SEC16A: variants seen among roughly 807,000 people sequenced by gnomAD.
SEC16A encodes the protein SEC16 homolog A, endoplasmic reticulum export factor, also known as protein transport protein Sec16A.
A neutral mutation model predicts 221.9 loss-of-function variants in SEC16A; 110 were observed. The observed-to-expected ratio is 0.50, with a 90% CI of 0.42 to 0.58. The LOEUF is 0.58. Among genes scored for constraint, SEC16A ranks in the 20% least tolerant of loss-of-function variants. The probability of loss-of-function intolerance (pLI) is 0.00; values close to 1 mark genes in which losing one functional copy is unlikely to be tolerated. For missense variants in SEC16A, 3,165 were observed against 3,097.8 expected (o/e 1.02, Z -0.52); for synonymous variants, 1,393 against 1,257.7 (o/e 1.11, Z -2.28).
Position 136,474,565 on chromosome 9 carries a change from G to A in SEC16A, c.3051C>T (p.Leu1017=), listed in dbSNP as rs530481447. 2.5e-5 allele frequency: 40 copies of A among 1,612,756 alleles called. No individual in the cohort carries two copies. Among genetic ancestry groups the A allele is most frequent in the Middle Eastern group, 3.3e-4 (2 of 6,084 alleles). Residue 1017 remains leucine, a synonymous_variant, in exon 3 of 32, where the codon CTC becomes CTT. Coordinates refer to ENST00000684901, the MANE Select transcript of SEC16A (RefSeq NM_014866.2). The part of the protein sequence containing the change: ...NVYNPSHSDS[L]ASQQSVASHP... ...GACTGGCAACACTTTGCTGAGAAGC[G>A]AGGCTGTCAGAATGGGACGGGTTGT...
At chr9:136,467,348 ATTTCT>A (rs546812296) in intron 5 of SEC16A, among the ~76,000 whole-genome samples, 3 of 152,304 alleles carry the variant, frequency 2.0e-5, no homozygotes, top group Admixed American at 2.0e-4. Flanking sequence ...GTGCTAAAAG[ATTTCT>A]TTATTAAGTC....
At chr9:136,471,863 C>T (rs2132723292) in intron 4 of SEC16A, 112 bp downstream of exon 4, 1 of 1,279,284 alleles carries the variant, frequency 7.8e-7, no homozygotes, top group Non-Finnish European at 1.1e-6. Flanking sequence ...TAAGTTTGTA[C>T]AATTCTTCAG....
At position 136,474,581 on chromosome 9, in the gene SEC16A, G is replaced by T. The variant is rs770919206; in HGVS notation, c.3035C>A (p.Ser1012Tyr). 1 of 1,612,820 alleles carries T rather than the reference G, an allele frequency of 6.2e-7. No individual in the cohort carries two copies. Among genetic ancestry groups the T allele is most frequent in the African/African-American group, 1.3e-5 (1 of 74,948 alleles). The change falls in exon 3 of 32, where the codon TCC becomes TAC. Residue 1012 changes from serine to tyrosine, a missense_variant. By Grantham distance (144) the Ser-to-Tyr change is moderately radical. Coordinates refer to ENST00000684901, the MANE Select transcript of SEC16A (RefSeq NM_014866.2). ...LENPVNVYNP[S>Y]HSDSLASQQS... ...CTGAGAAGCGAGGCTGTCAGAATGG[G>T]ACGGGTTGTACACGTTTACAGGATT...
rs370444806 is a variant in SEC16A at position 136,476,576 on chromosome 9, G to A, written c.1040C>T (p.Thr347Met). 2.0e-5 allele frequency: 32 copies of A among 1,607,358 alleles called. No homozygotes were observed. In the African/African-American group the frequency reaches 2.0e-4, roughly 10 times the overall value. Residue 347 changes from threonine to methionine, a missense_variant, in exon 3 of 32, where the codon ACG becomes ATG. By Grantham distance (81) the Thr-to-Met change is moderately conservative. This residue lies in a region of SEC16A where 2,030 missense variants were observed against 1,923.1 expected (regional missense o/e 1.06). Coordinates refer to ENST00000684901, the MANE Select transcript of SEC16A (RefSeq NM_014866.2). The stretch of plus-strand genomic sequence containing the variant: ...GGCCCCAGCCCCCAGTGGGTGGTGC[G>A]TACGGTTTTCTGGGCTATCTCCCCG... ...LARGDSPENR[T>M]HHPLGAGAGS...
At position 136,447,015 on chromosome 9, in the gene SEC16A, A is replaced by C. The variant is rs779390289; in HGVS notation, c.6698-66T>G. On this transcript the variant is annotated intron_variant, in intron 27 of 31. Transcript: ENST00000684901. This position sits in a 1 kb window ranked among gnomAD's most constrained non-coding sequence, Gnocchi z 5.5. Reference sequence around the variant, plus strand: ...ACGTCCCTGGGGTCTCACTGAAGACACTCCGAGAGGAAGAGAGTTTCACAC... The same window carrying C: ...ACGTCCCTGGGGTCTCACTGAAGACCCTCCGAGAGGAAGAGAGTTTCACAC... 2 of 1,606,522 alleles carry C rather than the reference A, an allele frequency of 1.2e-6. No individual in the cohort carries two copies. Among genetic ancestry groups the C allele is most frequent in the Admixed American group, 1.7e-5 (1 of 58,184 alleles).
At position 136,447,813 on chromosome 9, in the gene SEC16A, T is replaced by C; in HGVS notation, c.6447+40A>G. 1 of 1,588,598 alleles carries C rather than the reference T, an allele frequency of 6.3e-7. No homozygotes were observed. The highest frequency in any genetic ancestry group is 2.2e-5 in the East Asian group (1 of 44,600). On this transcript the variant is annotated intron_variant, in intron 25 of 31. Transcript: ENST00000684901. The surrounding 1 kb of genome is among the most constrained non-coding windows in gnomAD (Gnocchi z 5.5). ...GGCCACATGAGGCTGTTCCCTCCACTCACACCTCACACCCAACAGGAACTA... is the reference window on the plus strand; with the variant it reads ...GGCCACATGAGGCTGTTCCCTCCACCCACACCTCACACCCAACAGGAACTA...
chr9:136,451,763 G>A (rs879546224), intron 22 of SEC16A, among the ~76,000 whole-genome samples: 1 of 152,214 alleles, frequency 6.6e-6, no homozygotes, highest in African/African-American at 2.4e-5. Context: ...GGCGATGGGT[G>A]TTCTCAAAGA....
chr9:136,482,713 G>C (rs373775480), intron 1 of SEC16A, among the ~76,000 whole-genome samples: 1 of 152,168 alleles, frequency 6.6e-6, no homozygotes, highest in African/African-American at 2.4e-5. Flanking sequence ...AGTCCCTCGA[G>C]TCCCACGGCG....
rs1215682532 is a variant in SEC16A at position 136,440,120 on chromosome 9, ATATTT to A, written c.*1630_*1634del. ...GTGAAGGTGCTTGAAGGAGCGCAAA[ATATTT>A]TATTCAACAATTTGCAATGTAACAA... is the stretch of plus-strand genomic sequence containing the variant. On this transcript the variant is annotated 3_prime_UTR_variant, in exon 32 of 32. Transcript: ENST00000684901. 6.6e-6 allele frequency: 1 copy of A among 152,278 alleles called. No individual in the cohort carries two copies. The highest frequency in any genetic ancestry group is 1.5e-5 in the Non-Finnish European group (1 of 68,034). The allele number at this position is 152,278 out of a possible 1,614,324, so 9.4% of individuals were successfully genotyped here. A position where few individuals can be genotyped will look rare whatever the true frequency, so the allele number is the denominator to read the frequency against.
chr9:136,455,700 G>A lies in SEC16A; in HGVS notation c.5758C>T (p.Leu1920Phe), dbSNP rs749509274. Reference sequence around the variant, plus strand: ...ATCCCCAGGGCTCCTGGCTGACTGAGTCCTGGCCTGTCCAACTGCTCCATC... The same window carrying A: ...ATCCCCAGGGCTCCTGGCTGACTGAATCCTGGCCTGTCCAACTGCTCCATC... ...SEMEQLDRPG[L>F]SQPGALGIAN... Residue 1920 changes from leucine to phenylalanine, a missense_variant, in exon 20 of 32, where the codon CTC becomes TTC. Physicochemically the swap from Leu to Phe is conservative, Grantham distance 22. This residue lies in a region of SEC16A where 1,088 missense variants were observed against 1,089.6 expected (regional missense o/e 1.00). Coordinates refer to ENST00000684901, the MANE Select transcript of SEC16A (RefSeq NM_014866.2). 4 of 1,592,394 alleles carry A rather than the reference G, an allele frequency of 2.5e-6. No individual in the cohort carries two copies. Among genetic ancestry groups the A allele is most frequent in the African/African-American group, 2.7e-5 (2 of 74,352 alleles).
chr9:136,453,535 A>G, intron 21 of SEC16A, 25 bp from the exon 22 acceptor site: 10 of 1,584,890 alleles, frequency 6.3e-6, no homozygotes, highest in Non-Finnish European at 8.7e-6. Context: ...GAGAGCAACT[A>G]TGATCTCAGT....
rs1423193920 is a variant in SEC16A, at chr9:136,472,010, G to A, written c.3669C>T (p.Ser1223=). The A allele has an allele frequency of 6.2e-7, 1 of 1,611,700 alleles. No homozygotes were observed. Among genetic ancestry groups the A allele is most frequent in the South Asian group, 1.1e-5 (1 of 91,084 alleles). ...GCCGTTCCGAGGAGTGGCTGGCTCG[G>A]GAGCTGGGCCGCTCGGGCTCGGGAT... ...YRYPEPERPS[S]RASHSSERPP... Residue 1223 remains serine, a synonymous_variant, in exon 4 of 32, where the codon TCC becomes TCT. Coordinates refer to ENST00000684901, the MANE Select transcript of SEC16A (RefSeq NM_014866.2).
chr9:136,474,691 C>G lies in SEC16A; in HGVS notation c.2925G>C (p.Val975=). 1 of 1,613,804 alleles carries G rather than the reference C, an allele frequency of 6.2e-7. No individual in the cohort carries two copies. Among genetic ancestry groups the G allele is most frequent in the South Asian group, 1.1e-5 (1 of 91,084 alleles). ...VLVPPAHGTL[V]PDGNKANHSS... is the part of the protein sequence containing the mutation. ...AATGGTTTGCCTTATTACCATCAGGCACCAGGGTGCCGTGTGCAGGTGGAA... is the reference window on the plus strand; with the variant it reads ...AATGGTTTGCCTTATTACCATCAGGGACCAGGGTGCCGTGTGCAGGTGGAA... Residue 975 remains valine (V), a synonymous_variant, in exon 3 of 32, where the codon GTG becomes GTC. Transcript: ENST00000684901.
Position 136,475,105 on chromosome 9 carries a change from A to C in SEC16A, c.2511T>G (p.Tyr837Ter). ...AAAAGTTAATGGGCTGAGCCAGATT[A>C]TAGCTGTGATCAGGCTGAGCAATCA... ...PVLIAQPDHS[Y>*]NLAQPINFSV... The change falls in exon 3 of 32, where the codon TAT becomes TAG. Residue 837 changes from tyrosine (Y) to a stop codon, truncating the protein, a stop_gained. Transcript: ENST00000684901. LOFTEE classifies it high-confidence loss of function. This position sits in a 1 kb window ranked among gnomAD's most constrained non-coding sequence, Gnocchi z 5.0. The C allele has an allele frequency of 1.9e-6, 3 of 1,613,880 alleles. No individual in the cohort carries two copies. Among genetic ancestry groups the C allele is most frequent in the Non-Finnish European group, 1.7e-6 (2 of 1,179,820 alleles).
In SEC16A at chr9:136,466,162, A is replaced by G; in HGVS notation, c.4129-26T>C. The G allele has an allele frequency of 6.4e-7, 1 of 1,573,812 alleles. No individual in the cohort carries two copies. Among genetic ancestry groups the G allele is most frequent in the Non-Finnish European group, 8.6e-7 (1 of 1,157,550 alleles). The stretch of plus-strand genomic sequence containing the variant: ...CTTAGAAAACAAAGCAAACGGGCAA[A>G]ATCAATTCCCCAGGCACAGCAGTAA... On this transcript the variant is annotated intron_variant, in intron 7 of 31. Coordinates refer to ENST00000684901, the MANE Select transcript of SEC16A (RefSeq NM_014866.2). The surrounding 1 kb of genome is among the most constrained non-coding windows in gnomAD (Gnocchi z 5.5).
At chr9:136,451,480 A>G (rs969066089) in intron 22 of SEC16A, 72 bp from the exon 23 acceptor site, 2 of 1,491,978 alleles carry the variant, frequency 1.3e-6, no homozygotes, top group Non-Finnish European at 1.8e-6. Flanking sequence ...GGGGGATGCA[A>G]TTCCCCAGGC....
At chr9:136,480,901 T>C (rs1842238433) in intron 1 of SEC16A, among the ~76,000 whole-genome samples, 1 of 151,222 alleles carries the variant, frequency 6.6e-6, no homozygotes, top group Non-Finnish European at 1.5e-5. Flanking sequence ...AAAAAAAAAT[T>C]ATTCCGCAGC....
In SEC16A at chr9:136,447,674, C is replaced by T. The variant is rs765281199; in HGVS notation, c.6454G>A (p.Ala2152Thr). ...ATCGAGGTTGGAGGTGGGGGCGGGG[C>T]TTTCTTCTGCAGAGGGAAACACAGC... ...NLNEPEEEKK[A>T]PPPPPTSMPK... is the part of the protein sequence containing the mutation. Residue 2152 changes from alanine to threonine, a missense_variant, in exon 26 of 32, where the codon GCC (alanine) becomes ACC (threonine). Around this residue, in one of 3 missense-constraint regions of SEC16A, gnomAD observed 1,088 missense variants for 1,089.6 expected, o/e 1.00. Coordinates refer to ENST00000684901, the MANE Select transcript of SEC16A (RefSeq NM_014866.2). This position sits in a 1 kb window ranked among gnomAD's most constrained non-coding sequence, Gnocchi z 5.5. 5.6e-6 allele frequency: 9 copies of T among 1,609,386 alleles called. No individual in the cohort carries two copies. The South Asian group carries it at 9.9e-5, about 18-fold the overall frequency.
In SEC16A at chr9:136,466,890, G is replaced by C. The variant is rs1788032243; in HGVS notation, c.3929+67C>G. ...GCTCTTTGTTAAAACCCAGACATGA[G>C]GGCAGAGAAGCACTAGCGCGCCCTG... is the stretch of plus-strand genomic sequence containing the variant. On this transcript the variant is annotated intron_variant, in intron 6 of 31. Coordinates refer to ENST00000684901, the MANE Select transcript of SEC16A (RefSeq NM_014866.2). This position sits in a 1 kb window ranked among gnomAD's most constrained non-coding sequence, Gnocchi z 5.5. 1.9e-6 allele frequency: 3 copies of C among 1,538,718 alleles called. No individual in the cohort carries two copies. Among genetic ancestry groups the C allele is most frequent in the African/African-American group, 1.4e-5 (1 of 73,016 alleles).
Sources: gnomAD v4.1 joint callset for allele counts (sites outside exome capture counted in the v4.1 genomes callset) on GRCh38, gnomAD v4.1.1 for gene constraint, gnomAD v4.1.1 regional missense constraint, Gnocchi (gnomAD v3.1) non-coding constraint, MANE v1.5 for transcripts, NCBI Gene and HGNC (gene_info 2026-07-23, HGNC 2026-07-21) for gene names.